The following CDK14 variants were observed in gnomAD, a reference collection of about 807,000 sequenced individuals.
The protein encoded by CDK14 is cyclin dependent kinase 14.
CDK14 carries 34 observed loss-of-function variants against 60.7 expected under a neutral mutation model. The ratio of observed to expected loss-of-function variants is 0.56; its 90% confidence interval spans 0.43 to 0.75. The LOEUF is 0.75. Among genes scored for constraint, CDK14 ranks in the 30% least tolerant of loss-of-function variants. CDK14 has a pLI of 0.00. For missense variants in CDK14, 482 were observed against 564.1 expected, an observed-to-expected ratio of 0.85 and a Z score of 1.47; for synonymous variants, 197 against 203.7, an observed-to-expected ratio of 0.97 and a Z score of 0.28.
chr7:90,704,407 G>GT (rs1801852574), intron 2 of CDK14, among the ~76,000 whole-genome samples: 1 of 152,154 alleles, frequency 6.6e-6, no homozygotes, highest in Non-Finnish European at 1.5e-5. Flanking sequence ...ATGCAAAATT[G>GT]TATCAGCAAT....
intron 4 of CDK14, among the ~76,000 whole-genome samples, chr7:90,773,412 C>T (rs991616501): frequency 6.6e-6 from 1 of 152,212 alleles, no homozygotes; most frequent in Non-Finnish European, 1.5e-5. Flanking sequence ...ATCTATCACA[C>T]AGAGGTATTA....
chr7:90,897,387 CAT>C (rs1470261937), intron 6 of CDK14, among the ~76,000 whole-genome samples: 1 of 151,968 alleles, frequency 6.6e-6, no homozygotes, highest in African/African-American at 2.4e-5. Flanking sequence ...ACATCATGGA[CAT>C]GTGATTATTG....
At chr7:90,936,243 T>A (rs73407459) in intron 8 of CDK14, among the ~76,000 whole-genome samples, 3,358 of 152,296 alleles carry the variant, frequency 0.022, 117 homozygotes, top group African/African-American at 0.076. Context: ...TTTGTTGAAT[T>A]TTTCAACAGG....
chr7:91,193,138 G>T (rs913379379), intron 14 of CDK14, among the ~76,000 whole-genome samples: 1 of 152,168 alleles, frequency 6.6e-6, no homozygotes, highest in Non-Finnish European at 1.5e-5. Flanking sequence ...TTCTTGGAAG[G>T]TATTTCCTCT....
chr7:90,781,234 A>C (rs983504835), intron 4 of CDK14, among the ~76,000 whole-genome samples: 1 of 152,102 alleles, frequency 6.6e-6, no homozygotes, highest in African/African-American at 2.4e-5. Flanking sequence ...GTGTCTGTTC[A>C]TGTCCTTCGC....
At chr7:91,195,262 G>C (rs1802498474) in intron 14 of CDK14, among the ~76,000 whole-genome samples, 1 of 152,160 alleles carries the variant, frequency 6.6e-6, no homozygotes, top group Admixed American at 6.5e-5. Context: ...TAAAAGATTT[G>C]ATAGTATTTC....
rs1562873916 is a variant in CDK14, at chr7:91,027,758, GCCTCT to G, written c.1042-18131_1042-18127del. ...TCTGGGCTTTAGTGGTGAAATCTGG[GCCTCT>G]CCTCTCCCCTCCCCTCCCCTCCCCT... On this transcript the variant is annotated intron_variant, in intron 10 of 14. Transcript: ENST00000380050. Among the ~76,000 whole-genome samples the G allele has an allele frequency of 3.4e-4, 30 of 87,722 alleles. 1 individual carries two copies. Among genetic ancestry groups the G allele is most frequent in the Middle Eastern group, 7.5e-3 (1 of 134 alleles). 57.5% of individuals were successfully genotyped at this position (87,722 alleles called of 152,430 possible).
chr7:91,009,172 C>T (rs1796080792), intron 10 of CDK14, among the ~76,000 whole-genome samples: 1 of 152,052 alleles, frequency 6.6e-6, no homozygotes, highest in Non-Finnish European at 1.5e-5. Flanking sequence ...TTTTGAGATC[C>T]ATCCATGTTG....
rs1450066971 is a variant in CDK14 at position 90,984,152 on chromosome 7, G to A, written c.952G>A (p.Val318Ile). 2 of 1,598,652 alleles carry A rather than the reference G, an allele frequency of 1.3e-6. No homozygotes were observed. Among genetic ancestry groups the A allele is most frequent in the Non-Finnish European group, 1.7e-6 (2 of 1,166,038 alleles). The change falls in exon 10 of 15, where the codon GTA becomes ATA. Residue 318 changes from valine (V) to isoleucine (I), a missense_variant. Transcript: ENST00000380050. ...GATTCTTTCTTCTCTCTCTAGGGGA[G>A]TAGGTTGCATCTTTGTTGAAATGAT... ...EYSTCLDMWG[V>I]GCIFVEMIQG...
intron 6 of CDK14, among the ~76,000 whole-genome samples, chr7:90,878,063 A>G (rs997194255): frequency 6.9e-6 from 1 of 145,718 alleles, no homozygotes. Context: ...CATTGGACAC[A>G]TTGTGTGGCT....
intron 6 of CDK14, among the ~76,000 whole-genome samples, chr7:90,885,107 GCTT>G (rs2117298258): frequency 1.3e-5 from 2 of 152,322 alleles, no homozygotes; most frequent in Admixed American, 1.3e-4. Flanking sequence ...AAACTTAAGA[GCTT>G]CTGCACAGCA....
At chr7:90,959,967 G>A (rs1294694069) in intron 9 of CDK14, among the ~76,000 whole-genome samples, 2 of 152,118 alleles carry the variant, frequency 1.3e-5, no homozygotes, top group South Asian at 2.1e-4. Flanking sequence ...TTATAACTCT[G>A]TGAAAGTCAA....
chr7:90,877,208 A>G (rs1791590326), intron 6 of CDK14, among the ~76,000 whole-genome samples: 1 of 152,226 alleles, frequency 6.6e-6, no homozygotes, highest in Admixed American at 6.5e-5. Context: ...AAATTTAATT[A>G]TTCAGAATAT....
chr7:91,000,612 G>A (rs2115748355), intron 10 of CDK14, among the ~76,000 whole-genome samples: 1 of 152,352 alleles, frequency 6.6e-6, no homozygotes, highest in East Asian at 1.9e-4. Flanking sequence ...AACCCAGGCT[G>A]CTCTTTGAGA....
intron 11 of CDK14, among the ~76,000 whole-genome samples, chr7:91,048,510 G>T (rs2116039445): frequency 6.6e-6 from 1 of 152,326 alleles, no homozygotes; most frequent in Admixed American, 6.5e-5. Context: ...AAATATCTCT[G>T]AAGGATAAGT....
intron 4 of CDK14, among the ~76,000 whole-genome samples, chr7:90,764,782 T>C (rs1309387977): frequency 1.3e-5 from 2 of 152,214 alleles, no homozygotes; most frequent in Admixed American, 6.5e-5. Flanking sequence ...TTAAAAGATA[T>C]CTGTCTCTAG....
At chr7:91,020,303 G>T (rs955962435) in intron 10 of CDK14, among the ~76,000 whole-genome samples, 1 of 152,150 alleles carries the variant, frequency 6.6e-6, no homozygotes, top group Non-Finnish European at 1.5e-5. Context: ...ACCATCAAGG[G>T]ACTTTGAGCA....
chr7:90,706,847 C>T (rs1000329929), intron 2 of CDK14, among the ~76,000 whole-genome samples: 1 of 152,098 alleles, frequency 6.6e-6, no homozygotes, highest in South Asian at 2.1e-4. Flanking sequence ...AAGTCCTTCC[C>T]GTCCAGGTCT....
In CDK14 at chr7:90,964,011, G is replaced by T. The variant is rs1303726931; in HGVS notation, c.947+8194G>T. ...TTACAGGCGTGAGCCACTGTGCCTGGCCGACAAAGGTTTTTAAAGGAAAAT... is the reference window on the plus strand; with the variant it reads ...TTACAGGCGTGAGCCACTGTGCCTGTCCGACAAAGGTTTTTAAAGGAAAAT... On this transcript the variant is annotated intron_variant, in intron 9 of 14. Transcript: ENST00000380050. Among the ~76,000 whole-genome samples the T allele has an allele frequency of 3.3e-5, 5 of 152,116 alleles. 1 individual carries two copies. In the Middle Eastern group the frequency reaches 9.5e-3, roughly 289 times the overall value.
Sources: gnomAD v4.1 joint callset for allele counts (sites outside exome capture counted in the v4.1 genomes callset) on GRCh38, gnomAD v4.1.1 for gene constraint, MANE v1.5 for transcripts, NCBI Gene and HGNC (gene_info 2026-07-23, HGNC 2026-07-21) for gene names.